ZNF385C: variants seen among roughly 807,000 people sequenced by gnomAD.
The protein encoded by ZNF385C is CTD-2132N18.2.
A neutral mutation model predicts 35.4 loss-of-function variants in ZNF385C; 28 were observed. The observed-to-expected ratio is 0.79, with a 90% CI of 0.59 to 1.08. The LOEUF (loss-of-function observed/expected upper bound fraction) is 1.08. Ranked by LOEUF, ZNF385C falls within the 50% of genes least tolerant of loss-of-function variation. ZNF385C has a pLI of 0.00. For synonymous variants in ZNF385C, 248 were observed against 248.2 expected, an observed-to-expected ratio of 1.00 and a Z score of 0.01; for missense variants, 605 against 595.6, an observed-to-expected ratio of 1.02 and a Z score of -0.16.
rs1555654576 is a variant in ZNF385C at position 42,028,249 on chromosome 17, G to A, written c.968-3C>T. On this transcript the variant is annotated splice_polypyrimidine_tract_variant and splice_region_variant and intron_variant, in intron 6 of 8. Transcript: ENST00000692273. ...CATCATCCACCGGTGCTTGGCTCCTGGAGAGGGAAGAAGGCAGTCTCTCAG... is the reference window on the plus strand; with the variant it reads ...CATCATCCACCGGTGCTTGGCTCCTAGAGAGGGAAGAAGGCAGTCTCTCAG... The A allele has an allele frequency of 6.6e-7, 1 of 1,524,484 alleles. No homozygotes were observed. 94.4% of individuals were successfully genotyped at this position (1,524,484 alleles called of 1,614,324 possible). A position where few individuals can be genotyped will look rare whatever the true frequency, so the allele number is the denominator to read the frequency against.
chr17:42,027,316 C>A (rs114114012), intron 8 of ZNF385C, among the ~76,000 whole-genome samples, 183 bp from the exon 9 acceptor site: 27 of 152,152 alleles, frequency 1.8e-4, no homozygotes, highest in African/African-American at 6.0e-4. Context: ...CACCTGTCTT[C>A]CTGTCCAGAG....
chr17:42,055,844 T>C (rs1474944336), intron 2 of ZNF385C, among the ~76,000 whole-genome samples: 1 of 152,018 alleles, frequency 6.6e-6, no homozygotes, highest in Non-Finnish European at 1.5e-5. Context: ...GGAAAGGGGA[T>C]GGAGGGACCG....
Position 42,028,961 on chromosome 17 carries a change from A to G in ZNF385C, c.789T>C (p.Ser263=). ...CTGGGGAGCAAGGTGGGCAGGAGGA[A>G]GAAGAGGATGAGGAGGCAGCATCCA... ...ELLDAASSSS[S]SSCPPCSPEP... Residue 263 remains serine (S), a synonymous_variant, in exon 6 of 9, where the codon TCT becomes TCC. Coordinates refer to ENST00000692273, the MANE Select transcript of ZNF385C (RefSeq NM_001392013.1). 6.4e-7 allele frequency: 1 copy of G among 1,550,604 alleles called. No individual in the cohort carries two copies. Among genetic ancestry groups the G allele is most frequent in the Non-Finnish European group, 8.7e-7 (1 of 1,147,012 alleles).
chr17:42,095,960 A>G lies in ZNF385C; in HGVS notation c.-3+2450T>C, dbSNP rs528825599. On this transcript the variant is annotated intron_variant, in intron 1 of 8. Transcript: ENST00000692273. The surrounding 1 kb of genome is among the most constrained non-coding windows in gnomAD (Gnocchi z 4.4). ...GCCAGCAAACTGTGAAATATGTTCT[A>G]ACCTCTCACCCTGACAAATACACCT... is the stretch of plus-strand genomic sequence containing the variant. 2.0e-5 allele frequency among the ~76,000 whole-genome samples: 3 copies of G among 152,332 alleles called. No individual in the cohort carries two copies. In the East Asian group the frequency reaches 5.8e-4, roughly 29 times the overall value.
At chr17:42,052,215 C>T (rs533816333) in intron 2 of ZNF385C, among the ~76,000 whole-genome samples, 4 of 152,270 alleles carry the variant, frequency 2.6e-5, no homozygotes, top group Middle Eastern at 6.8e-3. Flanking sequence ...AAGGTCCAAC[C>T]GAGGCTGGGG....
chr17:42,066,713 A>G (rs929656942), intron 1 of ZNF385C, among the ~76,000 whole-genome samples: 4 of 152,294 alleles, frequency 2.6e-5, no homozygotes, highest in Non-Finnish European at 5.9e-5. Flanking sequence ...TGCTATTAAG[A>G]TAAGGCCAGA....
intron 1 of ZNF385C, among the ~76,000 whole-genome samples, chr17:42,097,519 A>G (rs1040833066): frequency 3.3e-5 from 5 of 152,026 alleles, no homozygotes; most frequent in Admixed American, 2.6e-4. Flanking sequence ...TCCCAGCTGG[A>G]CCCAGACAGC....
intron 2 of ZNF385C, chr17:42,043,339 G>A (rs2053073765): frequency 1.6e-6 from 2 of 1,232,254 alleles, no homozygotes; most frequent in Non-Finnish European, 2.0e-6. Context: ...GTTGGAGTTG[G>A]AGGCCTCTCC....
chr17:42,037,228 C>T lies in ZNF385C; in HGVS notation c.399+509G>A, dbSNP rs547751314. ...ACAAAAGACACAAGGACACAATAAA[C>T]CCTCAGATTGTGCAGGCACATACCT... On this transcript the variant is annotated intron_variant, in intron 3 of 8. Coordinates refer to ENST00000692273, the MANE Select transcript of ZNF385C (RefSeq NM_001392013.1). 5.9e-5 allele frequency among the ~76,000 whole-genome samples: 9 copies of T among 152,284 alleles called. No individual in the cohort carries two copies. In the East Asian group the frequency reaches 1.7e-3, roughly 29 times the overall value.
At chr17:42,069,052 C>T (rs2053587576) in intron 1 of ZNF385C, among the ~76,000 whole-genome samples, 1 of 152,228 alleles carries the variant, frequency 6.6e-6, no homozygotes, top group Non-Finnish European at 1.5e-5. Flanking sequence ...ATCTGTCTGT[C>T]TGTCTGTCTG....
At chr17:42,049,247 T>A (rs970560961) in intron 2 of ZNF385C, among the ~76,000 whole-genome samples, 1 of 152,182 alleles carries the variant, frequency 6.6e-6, no homozygotes, top group African/African-American at 2.4e-5. Context: ...TAACCATCCA[T>A]TCCCAGGAAG....
At chr17:42,086,655 C>A (rs1207073505) in intron 1 of ZNF385C, among the ~76,000 whole-genome samples, 1 of 144,770 alleles carries the variant, frequency 6.9e-6, no homozygotes, top group African/African-American at 2.6e-5. Context: ...TGAGCCAAGA[C>A]CCCAGCATTG....
At chr17:42,028,003 A>AC in intron 7 of ZNF385C, 47 bp downstream of exon 7, 1 of 1,583,820 alleles carries the variant, frequency 6.3e-7, no homozygotes. Flanking sequence ...CTGCCCCCCA[A>AC]CCCCCTCCCC....
At chr17:42,057,513 CGTGTGTGT>C (rs57813267) in intron 2 of ZNF385C, among the ~76,000 whole-genome samples, 40 of 146,858 alleles carry the variant, frequency 2.7e-4, no homozygotes, top group Non-Finnish European at 3.4e-4. Flanking sequence ...CGCGCGCGCG[CGTGTGTGT>C]GTGTGTGTGT....
At chr17:42,057,539 T>TGTGTGA (rs1209123915) in intron 2 of ZNF385C, among the ~76,000 whole-genome samples, 1 of 151,446 alleles carries the variant, frequency 6.6e-6, no homozygotes, top group Non-Finnish European at 1.5e-5. Flanking sequence ...TGTGTGTGTG[T>TGTGTGA]GATGGTCCAT....
chr17:42,083,280 G>A (rs1555659871), intron 1 of ZNF385C, among the ~76,000 whole-genome samples: 1 of 150,166 alleles, frequency 6.7e-6, no homozygotes, highest in Non-Finnish European at 1.5e-5. Flanking sequence ...CCAGCTCACT[G>A]CAAGCTCTGC....
intron 1 of ZNF385C, among the ~76,000 whole-genome samples, chr17:42,090,813 C>T (rs1283432094): frequency 1.4e-4 from 21 of 151,906 alleles, no homozygotes; most frequent in Admixed American, 1.3e-3. Context: ...ACCCGGAAGG[C>T]GGAGCTTGCA....
Position 42,037,236 on chromosome 17 carries a change from T to C in ZNF385C, c.399+501A>G, listed in dbSNP as rs566702211. The stretch of plus-strand genomic sequence containing the variant: ...CACAAGGACACAATAAACCCTCAGA[T>C]TGTGCAGGCACATACCTTAATTACA... On this transcript the variant is annotated intron_variant, in intron 3 of 8. Transcript: ENST00000692273. Among the ~76,000 whole-genome samples the C allele has an allele frequency of 1.1e-4, 16 of 152,270 alleles. No individual in the cohort carries two copies. The East Asian group carries it at 2.9e-3, about 28-fold the overall frequency.
intron 5 of ZNF385C, among the ~76,000 whole-genome samples, chr17:42,031,316 T>C (rs1056943743): frequency 6.6e-6 from 1 of 152,134 alleles, no homozygotes. Flanking sequence ...CATCACAACA[T>C]GTGAGCCACC....
Sources: allele counts gnomAD v4.1 joint callset (sites outside exome capture counted in the v4.1 genomes callset), GRCh38; gene constraint gnomAD v4.1.1; non-coding constraint Gnocchi (gnomAD v3.1); transcripts MANE v1.5; gene names NCBI Gene and HGNC (gene_info 2026-07-23, HGNC 2026-07-21).